CPSF3: variants seen among roughly 807,000 people sequenced by gnomAD.
CPSF3 encodes the protein cleavage and polyadenylation specificity factor subunit 3.
CPSF3 carries 57 observed loss-of-function variants against 84.1 expected under a neutral mutation model. The ratio of observed to expected loss-of-function variants is 0.68; its 90% CI spans 0.55 to 0.85. CPSF3 has a LOEUF of 0.85. Ranked by LOEUF, CPSF3 falls within the 40% of genes least tolerant of loss-of-function variation. The pLI is 0.00. For missense variants in CPSF3, 522 were observed against 838.8 expected (o/e 0.62, Z 4.66); for synonymous variants, 275 against 278.1 (o/e 0.99, Z 0.11).
intron 11 of CPSF3, among the ~76,000 whole-genome samples, chr2:9,450,669 T>A (rs1681296451): frequency 6.6e-6 from 1 of 152,036 alleles, no homozygotes; most frequent in Admixed American, 6.6e-5. Context: ...GCAACTGCAG[T>A]CCCAGCCACT....
intron 11 of CPSF3, among the ~76,000 whole-genome samples, chr2:9,448,703 C>G (rs533503452): frequency 6.6e-6 from 1 of 152,136 alleles, no homozygotes; most frequent in Admixed American, 6.5e-5. Context: ...ATTACAGGTG[C>G]GCGCCACCAC....
In CPSF3 at chr2:9,443,674, A is replaced by G; in HGVS notation, c.1242+13A>G. The G allele has an allele frequency of 6.2e-7, 1 of 1,611,296 alleles. No homozygotes were observed. The highest frequency in any genetic ancestry group is 8.5e-7 in the Non-Finnish European group (1 of 1,178,576). On this transcript the variant is annotated intron_variant, in intron 10 of 17. Transcript: ENST00000238112. Reference sequence around the variant, plus strand: ...ACCGCCTCATGTGGTTAGTCTATGAATTTCATTTATTGTATTAAAGGGAAA... The same window carrying G: ...ACCGCCTCATGTGGTTAGTCTATGAGTTTCATTTATTGTATTAAAGGGAAA...
chr2:9,449,344 C>T lies in CPSF3; in HGVS notation c.1395+994C>T, dbSNP rs1319343120. Among the ~76,000 whole-genome samples, 3 of 152,182 alleles carry T rather than the reference C, an allele frequency of 2.0e-5. No homozygotes were observed. The East Asian group carries it at 5.8e-4, about 29-fold the overall frequency. ...GGTGGAGGTTGTAGTGAGCTGAGAT[C>T]GAACCTGAGAGATGGAGGTTGCGGT... On this transcript the variant is annotated intron_variant, in intron 11 of 17. Coordinates refer to ENST00000238112, the MANE Select transcript of CPSF3 (RefSeq NM_016207.4).
chr2:9,453,084 A>G (rs1681394502), intron 12 of CPSF3, 63 bp downstream of exon 12: 2 of 985,316 alleles, frequency 2.0e-6, no homozygotes, highest in African/African-American at 1.6e-5. Flanking sequence ...ATCTATGAAA[A>G]CTTCTCTTCA....
chr2:9,452,870 A>G (rs1158680232), intron 11 of CPSF3, 43 bp from the exon 12 acceptor site: 1 of 1,352,792 alleles, frequency 7.4e-7, no homozygotes, highest in East Asian at 2.3e-5. Context: ...GAAAAACTGC[A>G]TTTTACCAGG....
intron 7 of CPSF3, among the ~76,000 whole-genome samples, chr2:9,438,709 TG>T (rs1185624046): frequency 6.6e-6 from 1 of 152,076 alleles, no homozygotes; most frequent in African/African-American, 2.4e-5. Context: ...TTGGCCAGGC[TG>T]GTCTCGTTAG....
chr2:9,444,407 C>G (rs1053782396), intron 10 of CPSF3, among the ~76,000 whole-genome samples: 2 of 150,410 alleles, frequency 1.3e-5, no homozygotes, highest in Non-Finnish European at 3.0e-5. Context: ...ATTACAGGCG[C>G]GAGCCACTGC....
At chr2:9,439,346 G>A (rs1344061914) in intron 7 of CPSF3, among the ~76,000 whole-genome samples, 8 of 151,994 alleles carry the variant, frequency 5.3e-5, no homozygotes, top group African/African-American at 1.7e-4. Context: ...GGTGGCCAGC[G>A]CCTGTAGTCC....
chr2:9,436,774 A>AAATAAT (rs70948816), intron 7 of CPSF3, among the ~76,000 whole-genome samples: 55 of 142,844 alleles, frequency 3.9e-4, no homozygotes, highest in South Asian at 1.1e-3. Context: ...CCATCTCAAA[A>AAATAAT]AATAATAATA....
In CPSF3 at chr2:9,453,884, C is replaced by T. The variant is rs1344359325; in HGVS notation, c.1504+863C>T. ...CCAGCCTAGTGACACAGCAAGACTC[C>T]ATCTCAAAAAAAAGGAAAAATTGCA... On this transcript the variant is annotated intron_variant, in intron 12 of 17. Transcript: ENST00000238112. Among the ~76,000 whole-genome samples, 2 of 151,680 alleles carry T rather than the reference C, an allele frequency of 1.3e-5. 1 individual carries two copies.
chr2:9,452,319 C>G (rs1362878703), intron 11 of CPSF3, among the ~76,000 whole-genome samples: 2 of 136,148 alleles, frequency 1.5e-5, no homozygotes, highest in Non-Finnish European at 3.0e-5. Context: ...CAGTGAGACA[C>G]TGTCTCAAAA....
intron 5 of CPSF3, 107 bp from the exon 6 acceptor site, chr2:9,433,764 G>A: frequency 1.4e-6 from 1 of 723,506 alleles, no homozygotes; most frequent in Non-Finnish European, 2.4e-6. Flanking sequence ...ATCAGTTTTA[G>A]ACTTAAAAAC....
chr2:9,470,084 G>A (rs1051612893), intron 16 of CPSF3, among the ~76,000 whole-genome samples: 6 of 152,122 alleles, frequency 3.9e-5, no homozygotes, highest in South Asian at 4.2e-4. Context: ...TGAGCCAGGT[G>A]TGGTGGTGGG....
intron 4 of CPSF3, among the ~76,000 whole-genome samples, 167 bp from the exon 5 acceptor site, chr2:9,432,344 T>TTA (rs1680620004): frequency 6.7e-6 from 1 of 150,058 alleles, no homozygotes; most frequent in African/African-American, 2.4e-5. Context: ...CACAATAGAG[T>TTA]AAAAAAAAAA....
intron 16 of CPSF3, among the ~76,000 whole-genome samples, chr2:9,468,380 C>G (rs142163701): frequency 1.5e-4 from 23 of 152,188 alleles, no homozygotes; most frequent in Non-Finnish European, 2.4e-4. Flanking sequence ...GCTCGCAACA[C>G]CATGCCCAGC....
At chr2:9,457,749 C>G (rs1036208383) in intron 14 of CPSF3, among the ~76,000 whole-genome samples, 10 of 151,868 alleles carry the variant, frequency 6.6e-5, no homozygotes, top group Non-Finnish European at 1.3e-4. Flanking sequence ...TTCATACATT[C>G]TAATTTTTTT....
intron 9 of CPSF3, among the ~76,000 whole-genome samples, chr2:9,442,613 G>T (rs1403581745): frequency 6.6e-6 from 1 of 152,172 alleles, no homozygotes; most frequent in Non-Finnish European, 1.5e-5. Flanking sequence ...TACTTTGGGA[G>T]GCCAAGGCGG....
chr2:9,443,468 A>G, intron 9 of CPSF3, 47 bp from the exon 10 acceptor site: 1 of 1,568,508 alleles, frequency 6.4e-7, no homozygotes, highest in Non-Finnish European at 8.7e-7. Flanking sequence ...TACCTTTACG[A>G]TTATAACTGG....
At chr2:9,455,545 A>G (rs1262258751) in intron 12 of CPSF3, 114 bp from the exon 13 acceptor site, 1 of 714,360 alleles carries the variant, frequency 1.4e-6, no homozygotes, top group Non-Finnish European at 2.4e-6. Flanking sequence ...GCATCTTGTT[A>G]GCTTTCTGAA....
Sources: gnomAD v4.1 joint callset for allele counts (sites outside exome capture counted in the v4.1 genomes callset) on GRCh38, gnomAD v4.1.1 for gene constraint, MANE v1.5 for transcripts, NCBI Gene and HGNC (gene_info 2026-07-23, HGNC 2026-07-21) for gene names.